Variants in KLHL11 observed in about 807,000 individuals in gnomAD.
KLHL11 encodes kelch-like protein 11.
KLHL11 carries 26 observed loss-of-function variants against 56.1 expected under a neutral mutation model. That is an observed-to-expected ratio of 0.46 (90% CI 0.34 to 0.64). KLHL11 has a LOEUF of 0.64. KLHL11 is among the 30% of genes least tolerant of loss of function. KLHL11 has a pLI of 0.01. For missense variants in KLHL11, 627 were observed against 919.4 expected, an observed-to-expected ratio of 0.68 and a Z score of 4.11; for synonymous variants, 338 against 345.8, an observed-to-expected ratio of 0.98 and a Z score of 0.25.
intron 1 of KLHL11, among the ~76,000 whole-genome samples, chr17:41,862,512 C>A (rs1007179725): frequency 6.6e-6 from 1 of 151,456 alleles, no homozygotes; most frequent in Admixed American, 6.6e-5. Context: ...GATCTCCTGA[C>A]CTCGTGATCT....
Position 41,851,193 on chromosome 17 carries a change from G to A in KLHL11, c.*2547C>T, listed in dbSNP as rs2048330178. The A allele has an allele frequency of 6.6e-6, 1 of 152,174 alleles. No individual in the cohort carries two copies. Among genetic ancestry groups the A allele is most frequent in the East Asian group, 1.9e-4 (1 of 5,196 alleles). The allele number at this position is 152,174 out of a possible 1,614,324, so 9.4% of individuals were successfully genotyped here. Reference sequence around the variant, plus strand: ...GAGGATTGCTTGAGGAAAGGAGCTTGAGACCAGCCTGGCCAATAAGGTGAG... The same window carrying A: ...GAGGATTGCTTGAGGAAAGGAGCTTAAGACCAGCCTGGCCAATAAGGTGAG... On this transcript the variant is annotated 3_prime_UTR_variant, in exon 2 of 2. Transcript: ENST00000319121.
At chr17:41,856,263 T>A (rs1220946803) in intron 1 of KLHL11, among the ~76,000 whole-genome samples, 1 of 152,234 alleles carries the variant, frequency 6.6e-6, no homozygotes, top group Non-Finnish European at 1.5e-5. Context: ...GTGCTGAGAT[T>A]ACAGGCGTGG....
At chr17:41,864,453 A>G (rs375721615) in intron 1 of KLHL11, among the ~76,000 whole-genome samples, 1 of 152,248 alleles carries the variant, frequency 6.6e-6, no homozygotes, top group East Asian at 1.9e-4. Context: ...TTGCACGGTC[A>G]GTTATTTTTT....
intron 1 of KLHL11, among the ~76,000 whole-genome samples, chr17:41,864,533 C>T (rs1317928080): frequency 2.0e-5 from 3 of 152,264 alleles, no homozygotes; most frequent in Non-Finnish European, 4.4e-5. Context: ...CCTTTCATTC[C>T]TTTTGAACGT....
In KLHL11 at chr17:41,865,337, C is replaced by CCGA; in HGVS notation, c.33_34insTCG (p.Ala11_Ala12insSer). On this transcript the variant is annotated inframe_insertion, in exon 1 of 2. Coordinates refer to ENST00000319121, the MANE Select transcript of KLHL11 (RefSeq NM_018143.3). Reference sequence around the variant, plus strand: ...ACCTGAAGAGATGCAGCCGCGGCCGCCGCCGCCGCCGCCGCCACTGCCGCA... The same window carrying CCGA: ...ACCTGAAGAGATGCAGCCGCGGCCGCCGACGCCGCCGCCGCCGCCACTGCCGCA... 1 of 1,437,910 alleles carries CCGA rather than the reference C, an allele frequency of 7.0e-7. No individual in the cohort carries two copies. Among genetic ancestry groups the CCGA allele is most frequent in the East Asian group, 2.8e-5 (1 of 36,050 alleles). 89.1% of individuals were successfully genotyped at this position (1,437,910 alleles called of 1,614,324 possible).
intron 1 of KLHL11, among the ~76,000 whole-genome samples, chr17:41,862,680 G>A (rs2048411981): frequency 6.6e-6 from 1 of 152,110 alleles, no homozygotes; most frequent in Non-Finnish European, 1.5e-5. Context: ...GATTACAGGC[G>A]TGAGCCACTT....
chr17:41,862,645 C>A (rs2048411626), intron 1 of KLHL11, among the ~76,000 whole-genome samples: 1 of 152,076 alleles, frequency 6.6e-6, no homozygotes, highest in Non-Finnish European at 1.5e-5. Context: ...AGTGATCCAT[C>A]TGCCTCGGCC....
At chr17:41,863,294 C>T (rs1179129715) in intron 1 of KLHL11, among the ~76,000 whole-genome samples, 2 of 151,446 alleles carry the variant, frequency 1.3e-5, no homozygotes, top group Non-Finnish European at 2.9e-5. Flanking sequence ...ACCTCCCAGG[C>T]TCAAGCGATT....
In KLHL11 at chr17:41,854,622, C is replaced by T; in HGVS notation, c.1245G>A (p.Met415Ile). The T allele has an allele frequency of 6.2e-7, 1 of 1,614,184 alleles. No individual in the cohort carries two copies. The highest frequency in any genetic ancestry group is 8.5e-7 in the Non-Finnish European group (1 of 1,180,028). ...CTACAGTTTTAGCAAACCCTGGCTC[C>T]ATTGATCCAGCAACATACACGTAGG... ...TESYVYVAGS[M>I]EPGFAKTVER... Residue 415 changes from methionine to isoleucine, a missense_variant, in exon 2 of 2, where the codon ATG becomes ATA. Met to Ile is a conservative substitution (Grantham distance 10). Transcript: ENST00000319121. This position sits in a 1 kb window ranked among gnomAD's most constrained non-coding sequence, Gnocchi z 4.9.
At chr17:41,859,195 T>C (rs2048387345) in intron 1 of KLHL11, among the ~76,000 whole-genome samples, 2 of 152,062 alleles carry the variant, frequency 1.3e-5, no homozygotes, top group Admixed American at 1.3e-4. Flanking sequence ...AAAGCAGGGA[T>C]GCAAAGCAAA....
Position 41,850,554 on chromosome 17 carries a change from G to A in KLHL11, c.*3186C>T, listed in dbSNP as rs2048327203. ...CAGTTAAAAACTATTATCGTAGTGAGATACTAAATTATTTAAATACAATCA... is the reference window on the plus strand; with the variant it reads ...CAGTTAAAAACTATTATCGTAGTGAAATACTAAATTATTTAAATACAATCA... On this transcript the variant is annotated 3_prime_UTR_variant, in exon 2 of 2. Coordinates refer to ENST00000319121, the MANE Select transcript of KLHL11 (RefSeq NM_018143.3). 2 of 152,122 alleles carry A rather than the reference G, an allele frequency of 1.3e-5. No individual in the cohort carries two copies. Among genetic ancestry groups the A allele is most frequent in the South Asian group, 4.1e-4 (2 of 4,826 alleles). The allele number at this position is 152,122 out of a possible 1,614,324, so 9.4% of individuals were successfully genotyped here. A position where few individuals can be genotyped will look rare whatever the true frequency, so the allele number is the denominator to read the frequency against.
intron 1 of KLHL11, among the ~76,000 whole-genome samples, chr17:41,857,851 T>C (rs1555622689): frequency 7.2e-5 from 11 of 152,038 alleles, no homozygotes. Flanking sequence ...TGTTTCACTC[T>C]TGCTGCCCAA....
intron 1 of KLHL11, among the ~76,000 whole-genome samples, chr17:41,860,865 C>T (rs1295145407): frequency 2.6e-5 from 4 of 152,122 alleles, no homozygotes; most frequent in African/African-American, 9.7e-5. Context: ...TGAAGAATAA[C>T]CAGAATATTT....
intron 1 of KLHL11, among the ~76,000 whole-genome samples, chr17:41,861,635 G>A (rs562013427): frequency 7.2e-6 from 1 of 139,562 alleles, no homozygotes; most frequent in African/African-American, 2.7e-5. Flanking sequence ...GCAGTGAGCC[G>A]AGATTGCGAC....
In KLHL11 at chr17:41,851,084, G is replaced by A. The variant is rs1368274006; in HGVS notation, c.*2656C>T. ...TGGAATTTGACTTCTAGAATGGTAT[G>A]ACAAAATGTCTAAGAAGGTAAAGAC... On this transcript the variant is annotated 3_prime_UTR_variant, in exon 2 of 2. Coordinates refer to ENST00000319121, the MANE Select transcript of KLHL11 (RefSeq NM_018143.3). 1 of 152,140 alleles carries A rather than the reference G, an allele frequency of 6.6e-6. No individual in the cohort carries two copies. The highest frequency in any genetic ancestry group is 1.5e-5 in the Non-Finnish European group (1 of 68,036). 9.4% of individuals were successfully genotyped at this position (152,140 alleles called of 1,614,324 possible).
rs1470697623 is a variant in KLHL11 at position 41,853,139 on chromosome 17, C to G, written c.*601G>C. Among the ~76,000 whole-genome samples, 4 of 152,016 alleles carry G rather than the reference C, an allele frequency of 2.6e-5. No homozygotes were observed. Among genetic ancestry groups the G allele is most frequent in the Non-Finnish European group, 5.9e-5 (4 of 67,998 alleles). On this transcript the variant is annotated 3_prime_UTR_variant, in exon 2 of 2. Transcript: ENST00000319121. Reference sequence around the variant, plus strand: ...GAAAAATATTCAAAAAATGCATGAGCCAGTAAAAAATTTCTCATCAGTCAC... The same window carrying G: ...GAAAAATATTCAAAAAATGCATGAGGCAGTAAAAAATTTCTCATCAGTCAC...
intron 1 of KLHL11, among the ~76,000 whole-genome samples, chr17:41,861,543 G>A (rs1443320104): frequency 1.3e-5 from 2 of 151,944 alleles, no homozygotes; most frequent in Non-Finnish European, 2.9e-5. Flanking sequence ...AAAATTAGCC[G>A]AGCGTGCTGG....
Position 41,853,713 on chromosome 17 carries a change from A to C in KLHL11, c.*27T>G. On this transcript the variant is annotated 3_prime_UTR_variant, in exon 2 of 2. Transcript: ENST00000319121. ...TTCAGCTTCACGAAACGGGTGTAACAGTTTTAATCGGCACGCTTGAGAGAA... is the reference window on the plus strand; with the variant it reads ...TTCAGCTTCACGAAACGGGTGTAACCGTTTTAATCGGCACGCTTGAGAGAA... 1 of 1,577,210 alleles carries C rather than the reference A, an allele frequency of 6.3e-7. No individual in the cohort carries two copies. Among genetic ancestry groups the C allele is most frequent in the Non-Finnish European group, 8.6e-7 (1 of 1,159,730 alleles).
At chr17:41,861,790 G>A (rs935704027) in intron 1 of KLHL11, among the ~76,000 whole-genome samples, 1 of 151,250 alleles carries the variant, frequency 6.6e-6, no homozygotes, top group African/African-American at 2.4e-5. Flanking sequence ...CTTCTTGGTT[G>A]CAAGGACTTT....
Sources: gnomAD v4.1 joint callset for allele counts (sites outside exome capture counted in the v4.1 genomes callset) on GRCh38, gnomAD v4.1.1 for gene constraint, Gnocchi (gnomAD v3.1) non-coding constraint, MANE v1.5 for transcripts, NCBI Gene and HGNC (gene_info 2026-07-23, HGNC 2026-07-21) for gene names.